SLC4A10: variants seen among roughly 807,000 people sequenced by gnomAD.
SLC4A10 encodes sodium-driven chloride bicarbonate exchanger.
A neutral mutation model predicts 137.7 loss-of-function variants in SLC4A10; 42 were observed. The ratio of observed to expected loss-of-function variants is 0.30; its 90% CI spans 0.24 to 0.39. SLC4A10 has a LOEUF of 0.39. SLC4A10 is among the 10% of genes least tolerant of loss of function. The pLI is 1.00. For synonymous variants in SLC4A10, 474 were observed against 464.1 expected (o/e 1.02, Z -0.27); for missense variants, 925 against 1,355.0 (o/e 0.68, Z 4.98).
chr2:161,817,781 G>C (rs2125673315), intron 3 of SLC4A10, among the ~76,000 whole-genome samples: 1 of 152,148 alleles, frequency 6.6e-6, no homozygotes, highest in Non-Finnish European at 1.5e-5. Flanking sequence ...TCAAAGATCA[G>C]ATAGTTGTAG....
At chr2:161,665,363 G>GGAGCCTGCTGT (rs1415621093) in intron 1 of SLC4A10, among the ~76,000 whole-genome samples, 24 of 151,736 alleles carry the variant, frequency 1.6e-4, no homozygotes, top group African/African-American at 5.1e-4. Flanking sequence ...TATTTTGATT[G>GGAGCCTGCTGT]GAGCCTGCTG....
chr2:161,696,620 A>C (rs2042541853), intron 1 of SLC4A10, among the ~76,000 whole-genome samples: 1 of 151,366 alleles, frequency 6.6e-6, no homozygotes, highest in African/African-American at 2.4e-5. Flanking sequence ...CCATGTCTCT[A>C]CAAAGGACAT....
chr2:161,686,767 A>G (rs1044950513), intron 1 of SLC4A10, among the ~76,000 whole-genome samples: 2 of 152,218 alleles, frequency 1.3e-5, no homozygotes, highest in African/African-American at 2.4e-5. Context: ...TTTGCAAAGC[A>G]AAAGCAAGTT....
intron 3 of SLC4A10, among the ~76,000 whole-genome samples, chr2:161,837,809 A>G (rs2058911139): frequency 6.6e-6 from 1 of 152,108 alleles, no homozygotes; most frequent in Non-Finnish European, 1.5e-5. Flanking sequence ...CCCCAATATG[A>G]TGGTATTAGG....
intron 1 of SLC4A10, among the ~76,000 whole-genome samples, chr2:161,700,476 T>C (rs1189593434): frequency 6.6e-6 from 1 of 152,144 alleles, no homozygotes; most frequent in African/African-American, 2.4e-5. Context: ...GTACTTTATC[T>C]CCTACATTTA....
intron 1 of SLC4A10, among the ~76,000 whole-genome samples, chr2:161,696,678 A>G (rs921456441): frequency 2.0e-5 from 3 of 151,658 alleles, no homozygotes; most frequent in East Asian, 1.9e-4. Flanking sequence ...GTGTATATGT[A>G]CCACATTTTC....
chr2:161,882,793 A>T (rs2061904605), intron 10 of SLC4A10, among the ~76,000 whole-genome samples: 1 of 152,158 alleles, frequency 6.6e-6, no homozygotes, highest in African/African-American at 2.4e-5. Flanking sequence ...AAGTCTAAAG[A>T]AAAAACAATA....
intron 26 of SLC4A10, among the ~76,000 whole-genome samples, chr2:161,978,679 G>A (rs555339552): frequency 2.0e-5 from 3 of 152,170 alleles, no homozygotes; most frequent in South Asian, 2.1e-4. Flanking sequence ...CTTCATCCCC[G>A]AAGCTGGGAA....
At chr2:161,831,700 C>T (rs72879231) in intron 3 of SLC4A10, among the ~76,000 whole-genome samples, 10,266 of 151,988 alleles carry the variant, frequency 0.068, 453 homozygotes, top group East Asian at 0.17. Flanking sequence ...AAGCAAAATC[C>T]CAAGAATTCT....
At chr2:161,871,291 T>C (rs902157868) in intron 6 of SLC4A10, among the ~76,000 whole-genome samples, 2 of 151,792 alleles carry the variant, frequency 1.3e-5, no homozygotes, top group African/African-American at 2.4e-5. Context: ...AGAGAGAGTA[T>C]TTCTAACATC....
chr2:161,969,781 T>C (rs1378622565), intron 23 of SLC4A10, among the ~76,000 whole-genome samples: 2 of 151,980 alleles, frequency 1.3e-5, no homozygotes, highest in African/African-American at 4.8e-5. Context: ...AAAAAAGCAA[T>C]CTAAAAACAA....
Position 161,867,197 on chromosome 2 carries a change from A to G in SLC4A10, c.766+4135A>G, listed in dbSNP as rs188379857. 2.6e-4 allele frequency among the ~76,000 whole-genome samples: 40 copies of G among 152,022 alleles called. No individual in the cohort carries two copies. In the East Asian group the frequency reaches 7.5e-3, roughly 29 times the overall value. On this transcript the variant is annotated intron_variant, in intron 6 of 26. Transcript: ENST00000446997. ...TATGTATTGTGCATAATATTTATTTATGGTTTTGGAAATCAGACCTATTAC... is the reference window on the plus strand; with the variant it reads ...TATGTATTGTGCATAATATTTATTTGTGGTTTTGGAAATCAGACCTATTAC...
intron 15 of SLC4A10, among the ~76,000 whole-genome samples, chr2:161,935,224 A>G (rs900812517): frequency 6.6e-6 from 1 of 152,094 alleles, no homozygotes; most frequent in Non-Finnish European, 1.5e-5. Flanking sequence ...CGGGTTGTCT[A>G]TTCTGTTCAC....
At chr2:161,914,272 A>G (rs1575613686) in intron 15 of SLC4A10, among the ~76,000 whole-genome samples, 1 of 152,204 alleles carries the variant, frequency 6.6e-6, no homozygotes, top group African/African-American at 2.4e-5. Flanking sequence ...TCTGAAAAAG[A>G]AAAGTTTAAT....
At chr2:161,898,065 A>G (rs1234312122) in intron 11 of SLC4A10, among the ~76,000 whole-genome samples, 1 of 152,146 alleles carries the variant, frequency 6.6e-6, no homozygotes, top group Non-Finnish European at 1.5e-5. Flanking sequence ...AGTCATAGAA[A>G]GAACATCAAA....
intron 23 of SLC4A10, among the ~76,000 whole-genome samples, chr2:161,967,462 G>A (rs985625461): frequency 6.6e-6 from 1 of 152,088 alleles, no homozygotes; most frequent in African/African-American, 2.4e-5. Context: ...ACAAATGTAC[G>A]ACAACAATTT....
intron 3 of SLC4A10, among the ~76,000 whole-genome samples, chr2:161,839,309 G>A (rs976000845): frequency 6.6e-6 from 1 of 152,162 alleles, no homozygotes; most frequent in Non-Finnish European, 1.5e-5. Context: ...GGCTACAAAA[G>A]GGAGGTAGGA....
intron 1 of SLC4A10, among the ~76,000 whole-genome samples, chr2:161,770,627 A>T (rs990268307): frequency 6.6e-6 from 1 of 151,926 alleles, no homozygotes; most frequent in African/African-American, 2.4e-5. Flanking sequence ...TCAAAATGTC[A>T]TCTTGTTAAC....
intron 1 of SLC4A10, among the ~76,000 whole-genome samples, chr2:161,655,361 T>C (rs2037366209): frequency 6.6e-6 from 1 of 152,208 alleles, no homozygotes; most frequent in Admixed American, 6.5e-5. Context: ...TTCTTTTTCT[T>C]ACCTTATTTC....
Sources: gnomAD v4.1 joint callset for allele counts (sites outside exome capture counted in the v4.1 genomes callset) on GRCh38, gnomAD v4.1.1 for gene constraint, MANE v1.5 for transcripts, NCBI Gene and HGNC (gene_info 2026-07-23, HGNC 2026-07-21) for gene names.